Variants in CCDC178 observed in about 807,000 individuals in gnomAD.
CCDC178 encodes coiled-coil domain containing 178, also known as coiled-coil domain-containing protein 178.
A neutral mutation model predicts 117.4 loss-of-function variants in CCDC178; 126 were observed. The ratio of observed to expected loss-of-function variants is 1.07; its 90% CI spans 0.93 to 1.24. The LOEUF is 1.24. Among genes scored for constraint, CCDC178 ranks in the 50% most tolerant of loss-of-function variants. The probability of loss-of-function intolerance (pLI) is 0.00; values close to 1 mark genes in which losing one functional copy is unlikely to be tolerated. For missense variants in CCDC178, 1,030 were observed against 986.9 expected, an observed-to-expected ratio of 1.04 and a Z score of -0.59; for synonymous variants, 283 against 313.4, an observed-to-expected ratio of 0.90 and a Z score of 1.02.
At chr18:33,344,030 C>T (rs1004751094) in intron 9 of CCDC178, among the ~76,000 whole-genome samples, 7 of 152,046 alleles carry the variant, frequency 4.6e-5, no homozygotes, top group Admixed American at 3.9e-4. Context: ...TACGGCCGGG[C>T]GCGGTGGCTC....
intron 10 of CCDC178, chr18:33,328,120 T>TGAGACAGAGTCTTGCTCTGTTGCCAG (rs2062612707): frequency 3.3e-6 from 1 of 304,944 alleles, no homozygotes; most frequent in African/African-American, 2.9e-5. Flanking sequence ...TTTTTTTTTT[T>TGAGACAGAGTCTTGCTCTGTTGCCAG]GAGACAGAGT....
Position 33,323,612 on chromosome 18 carries a change from C to T in CCDC178, c.901G>A (p.Val301Ile), listed in dbSNP as rs1278195611. The change falls in exon 11 of 23, where the codon GTT becomes ATT. Residue 301 changes from valine to isoleucine, a missense_variant. Transcript: ENST00000383096. Reference protein sequence around the residue: ...KMEVMDLHRKVNEELEEALEA... With the variant: ...KMEVMDLHRKINEELEEALEA... ...AAAGCTTCTTCAAGTTCTTCATTAA[C>T]TTTTCTGTGTAGGTCCATTACCTAG... 6.5e-7 allele frequency: 1 copy of T among 1,543,468 alleles called. No individual in the cohort carries two copies. The highest frequency in any genetic ancestry group is 1.4e-5 in the African/African-American group (1 of 71,590).
chr18:33,412,153 A>G, intron 2 of CCDC178, 43 bp from the exon 3 acceptor site: 1 of 767,226 alleles, frequency 1.3e-6, no homozygotes. Flanking sequence ...AATCTAAATT[A>G]GTTTATATTT....
At chr18:33,384,884 T>C (rs1215626425) in intron 5 of CCDC178, among the ~76,000 whole-genome samples, 1 of 152,040 alleles carries the variant, frequency 6.6e-6, no homozygotes, top group African/African-American at 2.4e-5. Flanking sequence ...TAAATATAAA[T>C]AGCCTAAACG....
chr18:33,245,515 T>C (rs1000767525), intron 14 of CCDC178, 87 bp from the exon 15 acceptor site: 2 of 1,231,816 alleles, frequency 1.6e-6, no homozygotes, highest in Non-Finnish European at 2.1e-6. Flanking sequence ...AAGATCATAT[T>C]TTATGTTGTC....
chr18:32,954,652 G>A (rs1325156857), intron 22 of CCDC178: 4 of 152,090 alleles, frequency 2.6e-5, no homozygotes, highest in East Asian at 1.9e-4. Context: ...TTGAAGGTAC[G>A]CAGAGAGAAT....
At chr18:33,228,544 T>G (rs2059334829) in intron 15 of CCDC178, among the ~76,000 whole-genome samples, 1 of 152,252 alleles carries the variant, frequency 6.6e-6, no homozygotes, top group Non-Finnish European at 1.5e-5. Context: ...ATACTACATT[T>G]GAAATCTGTG....
chr18:33,268,293 C>G (rs935121201), intron 12 of CCDC178, among the ~76,000 whole-genome samples: 5 of 151,676 alleles, frequency 3.3e-5, no homozygotes, highest in Admixed American at 3.3e-4. Context: ...TAGTAAAGAT[C>G]AGAGGGAAAA....
At chr18:33,287,562 T>C (rs2060114495) in intron 12 of CCDC178, among the ~76,000 whole-genome samples, 1 of 152,120 alleles carries the variant, frequency 6.6e-6, no homozygotes, top group African/African-American at 2.4e-5. Context: ...GTGGATCACC[T>C]GAGGTCAGGA....
At chr18:33,121,991 C>T (rs2057942789) in intron 20 of CCDC178, among the ~76,000 whole-genome samples, 4 of 152,196 alleles carry the variant, frequency 2.6e-5, no homozygotes, top group South Asian at 2.1e-4. Context: ...AAGCAATAGG[C>T]TATACCATAC....
At chr18:33,435,782 AAC>A (rs771971633) in intron 2 of CCDC178, among the ~76,000 whole-genome samples, 19 of 148,104 alleles carry the variant, frequency 1.3e-4, no homozygotes, top group Non-Finnish European at 2.1e-4. Flanking sequence ...AAGAGACAGA[AAC>A]AGTGTGATTT....
intron 21 of CCDC178, among the ~76,000 whole-genome samples, chr18:33,048,233 A>G (rs2056681258): frequency 1.3e-5 from 2 of 152,278 alleles, no homozygotes; most frequent in South Asian, 4.1e-4. Flanking sequence ...CTTTTAGTCT[A>G]CAGAACTGTG....
chr18:33,225,140 G>GTAATA (rs1042587114), intron 16 of CCDC178, among the ~76,000 whole-genome samples: 21 of 150,594 alleles, frequency 1.4e-4, no homozygotes, highest in Admixed American at 8.6e-4. Flanking sequence ...TCTCATGGAT[G>GTAATA]TAATATAATA....
intron 17 of CCDC178, among the ~76,000 whole-genome samples, chr18:33,224,237 C>A (rs1489933729): frequency 6.6e-6 from 1 of 152,150 alleles, no homozygotes; most frequent in Non-Finnish European, 1.5e-5. Context: ...CCCTCTAGTT[C>A]TCCAAAAGAC....
intron 2 of CCDC178, among the ~76,000 whole-genome samples, chr18:33,420,702 C>A (rs1025559531): frequency 6.6e-6 from 1 of 151,902 alleles, no homozygotes; most frequent in Non-Finnish European, 1.5e-5. Flanking sequence ...TGCTTATTAC[C>A]GTGATGAAAT....
rs1442465965 is a variant in CCDC178, at chr18:33,345,473, AC to A, written c.658+737del. ...TCTTAGAAACATTTTAGGTTTTGAT[AC>A]CTGCTAGAAGTTCCCAAGGCAAATT... On this transcript the variant is annotated intron_variant, in intron 9 of 22. Transcript: ENST00000383096. Among the ~76,000 whole-genome samples the A allele has an allele frequency of 5.3e-5, 8 of 152,306 alleles. No individual in the cohort carries two copies. In the East Asian group the frequency reaches 1.5e-3, roughly 29 times the overall value.
intron 21 of CCDC178, among the ~76,000 whole-genome samples, chr18:33,081,516 G>A (rs1476364723): frequency 6.6e-6 from 1 of 152,102 alleles, no homozygotes; most frequent in East Asian, 1.9e-4. Context: ...GCTGTAGCTT[G>A]CTTGATTCAA....
chr18:33,168,265 A>T (rs1200514653), intron 20 of CCDC178, among the ~76,000 whole-genome samples: 4 of 152,016 alleles, frequency 2.6e-5, no homozygotes, highest in African/African-American at 9.6e-5. Context: ...TTTGTATATG[A>T]TGTAAGGAAG....
chr18:33,130,749 A>G (rs1238171844), intron 20 of CCDC178, among the ~76,000 whole-genome samples: 1 of 151,982 alleles, frequency 6.6e-6, no homozygotes, highest in East Asian at 1.9e-4. Context: ...AGAAATACGT[A>G]CTTCCTCTTA....
Sources: allele counts gnomAD v4.1 joint callset (sites outside exome capture counted in the v4.1 genomes callset), GRCh38; gene constraint gnomAD v4.1.1; transcripts MANE v1.5; gene names NCBI Gene and HGNC (gene_info 2026-07-23, HGNC 2026-07-21).